The following MUC12 variants were observed in gnomAD, a reference collection of about 807,000 sequenced individuals.
The protein encoded by MUC12 is mucin 12, cell surface associated, also known as mucin-12.
In MUC12, 172 loss-of-function variants were observed where a neutral mutation model predicts 230.8. The observed-to-expected ratio is 0.75, with a 90% confidence interval of 0.66 to 0.85. The LOEUF is 0.85. Ranked by LOEUF, MUC12 falls within the 40% of genes least tolerant of loss-of-function variation. MUC12 has a pLI of 0.00. For missense variants in MUC12, 3,506 were observed against 5,920.6 expected, an observed-to-expected ratio of 0.59 and a Z score of 13.38; for synonymous variants, 1,259 against 2,401.9, an observed-to-expected ratio of 0.52 and a Z score of 13.91.
chr7:100,972,780 A>T, intron 1 of MUC12: 1 of 680,416 alleles, frequency 1.5e-6, no homozygotes. Context: ...TGCTGGAATG[A>T]CAGGTGCGAG....
intron 6 of MUC12, 137 bp from the exon 7 acceptor site, chr7:101,012,682 A>G: frequency 2.9e-6 from 3 of 1,045,268 alleles, no homozygotes; most frequent in Admixed American, 2.1e-5. Context: ...GCCCAGCTGC[A>G]TGTCTAGGGT....
chr7:100,981,119 T>C (rs1403875144), intron 1 of MUC12, among the ~76,000 whole-genome samples: 2 of 152,234 alleles, frequency 1.3e-5, no homozygotes, highest in Non-Finnish European at 2.9e-5. Flanking sequence ...ATTTCTTTGC[T>C]TCCTGGTGAA....
At position 101,004,747 on chromosome 7, in the gene MUC12, TGCC is replaced by T. The variant is rs1385189990; in HGVS notation, c.14185_14187del (p.Ala4729del). ...CAATGGAAACAACATTAGCCAGCACTGCCACAACACCAGGCCTCAGTGCAAAAT... is the reference window on the plus strand; with the variant it reads ...CAATGGAAACAACATTAGCCAGCACTACAACACCAGGCCTCAGTGCAAAAT... On this transcript the variant is annotated inframe_deletion, in exon 2 of 12. Transcript: ENST00000536621. 1.3e-6 allele frequency: 2 copies of T among 1,536,926 alleles called. No individual in the cohort carries two copies. Among genetic ancestry groups the T allele is most frequent in the Admixed American group, 3.9e-5 (2 of 50,986 alleles).
In MUC12 at chr7:100,991,309, C is replaced by T. The variant is rs1339709691; in HGVS notation, c.746C>T (p.Ser249Phe). The change falls in exon 2 of 12, where the codon TCT (serine) becomes TTT (phenylalanine). Residue 249 changes from serine (S) to phenylalanine (F), a missense_variant. Transcript: ENST00000536621. ...NTTTSGLLEA[S>F]TPVHSSTGSP... is the part of the protein sequence containing the mutation. Reference sequence around the variant, plus strand: ...ACAACCTCAGGCCTCCTTGAAGCATCTACGCCCGTCCACAGCAGCACTGGA... The same window carrying T: ...ACAACCTCAGGCCTCCTTGAAGCATTTACGCCCGTCCACAGCAGCACTGGA... 3 of 1,537,726 alleles carry T rather than the reference C, an allele frequency of 2.0e-6. No homozygotes were observed. The African/African-American group carries it at 4.1e-5, about 21-fold the overall frequency.
intron 1 of MUC12, among the ~76,000 whole-genome samples, chr7:100,975,307 G>A (rs1370319762): frequency 1.3e-5 from 2 of 152,312 alleles, no homozygotes; most frequent in African/African-American, 4.8e-5. Flanking sequence ...TGGAGGGGCG[G>A]GGCCAGGGGT....
At position 100,991,030 on chromosome 7, in the gene MUC12, C is replaced by A. The variant is rs370911866; in HGVS notation, c.467C>A (p.Thr156Lys). The part of the protein sequence containing the change: ...SPDRTLSPAR[T>K]TSSGVSEKST... ...GACAGAACACTCTCACCTGCCCGCA[C>A]GACAAGCTCAGGCGTCAGTGAAAAA... Residue 156 changes from threonine to lysine, a missense_variant, in exon 2 of 12, where the codon ACG becomes AAG. By Grantham distance (78) the Thr-to-Lys change is moderately conservative (BLOSUM62 -1). Coordinates refer to ENST00000536621, the MANE Select transcript of MUC12 (RefSeq NM_001164462.2). 1.3e-6 allele frequency: 2 copies of A among 1,537,738 alleles called. No individual in the cohort carries two copies. The highest frequency in any genetic ancestry group is 2.7e-5 in the African/African-American group (2 of 73,010).
chr7:101,006,553 T>A lies in MUC12; in HGVS notation c.15039T>A (p.Pro5013=). 6.5e-7 allele frequency: 1 copy of A among 1,536,880 alleles called. No individual in the cohort carries two copies. The highest frequency in any genetic ancestry group is 8.7e-7 in the Non-Finnish European group (1 of 1,146,552). ...QGYVGYQCLS[P]LESFPVETPE... is the part of the protein sequence containing the mutation. ...ACGTTGGTTACCAGTGCTTGTCCCC[T>A]CTGGAATCCTTCCCTGTAGGTAATG... Residue 5013 remains proline, a synonymous_variant, in exon 3 of 12, where the codon CCT becomes CCA. Transcript: ENST00000536621.
intron 1 of MUC12, among the ~76,000 whole-genome samples, chr7:100,971,544 C>G (rs1379264341): frequency 6.6e-6 from 1 of 151,694 alleles, no homozygotes; most frequent in African/African-American, 2.4e-5. Flanking sequence ...CAAGCCTTGA[C>G]AGATGAGACC....
chr7:100,987,494 G>T (rs991291613), intron 1 of MUC12, among the ~76,000 whole-genome samples: 1 of 152,194 alleles, frequency 6.6e-6, no homozygotes, highest in Non-Finnish European at 1.5e-5. Flanking sequence ...TCCAAGAAGG[G>T]TGATGCTAGC....
chr7:100,981,033 G>T (rs923489059), intron 1 of MUC12, among the ~76,000 whole-genome samples: 2 of 152,166 alleles, frequency 1.3e-5, no homozygotes, highest in African/African-American at 2.4e-5. Flanking sequence ...ACCAACACTA[G>T]CTACTATAGT....
rs564124915 is a variant in MUC12, at chr7:100,991,783, T to G, written c.1220T>G (p.Leu407Arg). Residue 407 changes from leucine (L) to arginine (R), a missense_variant, in exon 2 of 12, where the codon CTA (leucine) becomes CGA (arginine). Coordinates refer to ENST00000536621, the MANE Select transcript of MUC12 (RefSeq NM_001164462.2). ...TCAACTCCTAGCACCACAGCTGCCC[T>G]AGCACATACAAGCTACCACAGCAGC... ...KSSTPSTTAA[L>R]AHTSYHSSLG... 7 of 1,537,852 alleles carry G rather than the reference T, an allele frequency of 4.6e-6. No individual in the cohort carries two copies. The East Asian group carries it at 1.5e-4, about 32-fold the overall frequency.
intron 8 of MUC12, 52 bp downstream of exon 8, chr7:101,013,194 C>T: frequency 1.3e-6 from 2 of 1,527,688 alleles, no homozygotes; most frequent in East Asian, 2.4e-5. Flanking sequence ...ATAGGGCCCT[C>T]CCCCTCCCCA....
Position 101,003,276 on chromosome 7 carries a change from C to G in MUC12, c.12713C>G (p.Pro4238Arg). Residue 4238 changes from proline (P) to arginine (R), a missense_variant, in exon 2 of 12, where the codon CCA becomes CGA. Transcript: ENST00000536621. ...TTAFPSSTTM[P>R]GVSQESTASH... is the part of the protein sequence containing the mutation. ...GCATTCCCTAGCAGTACCACCATGC[C>G]AGGCGTCAGTCAGGAATCTACAGCT... 2 of 1,517,622 alleles carry G rather than the reference C, an allele frequency of 1.3e-6. No individual in the cohort carries two copies. The highest frequency in any genetic ancestry group is 1.2e-5 in the South Asian group (1 of 83,570). 94.0% of individuals were successfully genotyped at this position (1,517,622 alleles called of 1,614,324 possible). A position where few individuals can be genotyped will look rare whatever the true frequency, so the allele number is the denominator to read the frequency against.
chr7:101,013,972 A>G lies in MUC12; in HGVS notation c.15698A>G (p.Lys5233Arg). ...WGETCEFNIA[K>R]SLVYGIVGAV... Reference sequence around the variant, plus strand: ...GAGACCTGTGAATTCAACATCGCCAAGAGCCTCGTGTATGGGATCGTGGGG... The same window carrying G: ...GAGACCTGTGAATTCAACATCGCCAGGAGCCTCGTGTATGGGATCGTGGGG... The change falls in exon 9 of 12, where the codon AAG becomes AGG. Residue 5233 changes from lysine to arginine, a missense_variant. Coordinates refer to ENST00000536621, the MANE Select transcript of MUC12 (RefSeq NM_001164462.2). 6.5e-7 allele frequency: 1 copy of G among 1,536,636 alleles called. No individual in the cohort carries two copies. Among genetic ancestry groups the G allele is most frequent in the Non-Finnish European group, 8.7e-7 (1 of 1,146,642 alleles).
intron 1 of MUC12, among the ~76,000 whole-genome samples, chr7:100,971,734 G>T (rs1015849469): frequency 1.8e-4 from 28 of 152,296 alleles, no homozygotes; most frequent in Non-Finnish European, 7.3e-5. Context: ...GGCCTGGATG[G>T]GTCTTAGGAG....
Position 101,006,549 on chromosome 7 carries a change from C to T in MUC12, c.15035C>T (p.Ser5012Phe), listed in dbSNP as rs1256858236. The change falls in exon 3 of 12, where the codon TCC becomes TTC. Residue 5012 changes from serine (S) to phenylalanine (F), a missense_variant. Ser to Phe is a radical substitution (Grantham distance 155, BLOSUM62 -2). Coordinates refer to ENST00000536621, the MANE Select transcript of MUC12 (RefSeq NM_001164462.2). ...PQGYVGYQCLSPLESFPVETP... is the reference protein window; with the variant it reads ...PQGYVGYQCLFPLESFPVETP... ...GGCTACGTTGGTTACCAGTGCTTGT[C>T]CCCTCTGGAATCCTTCCCTGTAGGT... 1.2e-5 allele frequency: 18 copies of T among 1,536,864 alleles called. No homozygotes were observed. The highest frequency in any genetic ancestry group is 1.6e-5 in the Non-Finnish European group (18 of 1,146,682).
intron 1 of MUC12, among the ~76,000 whole-genome samples, chr7:100,979,890 G>C (rs1453141654): frequency 6.6e-6 from 1 of 151,954 alleles, no homozygotes; most frequent in East Asian, 1.9e-4. Flanking sequence ...TATAAAACGA[G>C]GGGTGGTGGT....
rs1200745262 is a variant in MUC12 at position 101,004,647 on chromosome 7, T to G, written c.14084T>G (p.Ile4695Ser). The G allele has an allele frequency of 6.5e-7, 1 of 1,537,140 alleles. No homozygotes were observed. The highest frequency in any genetic ancestry group is 1.2e-5 in the South Asian group (1 of 84,026). The stretch of plus-strand genomic sequence containing the variant: ...CACAGCAGCCCAGATACAAATGGAA[T>G]CACACCCTTACCTGCCCATTTTACT... Reference protein sequence around the residue: ...ASHSSPDTNGITPLPAHFTTS... With the variant: ...ASHSSPDTNGSTPLPAHFTTS... The change falls in exon 2 of 12, where the codon ATC (isoleucine) becomes AGC (serine). Residue 4695 changes from isoleucine to serine, a missense_variant. Coordinates refer to ENST00000536621, the MANE Select transcript of MUC12 (RefSeq NM_001164462.2).
chr7:100,982,067 G>A (rs182583900), intron 1 of MUC12, among the ~76,000 whole-genome samples: 9 of 152,014 alleles, frequency 5.9e-5, no homozygotes, highest in East Asian at 1.9e-4. Context: ...AGGTTTCACC[G>A]TGTTGGCCAG....
Sources: gnomAD v4.1 joint callset for allele counts (sites outside exome capture counted in the v4.1 genomes callset) on GRCh38, gnomAD v4.1.1 for gene constraint, MANE v1.5 for transcripts, NCBI Gene and HGNC (gene_info 2026-07-23, HGNC 2026-07-21) for gene names.